KCNH1: variants seen among roughly 807,000 people sequenced by gnomAD.
KCNH1 encodes the protein potassium voltage-gated channel subfamily H member 1, also known as voltage-gated delayed rectifier potassium channel KCNH1.
In KCNH1, 27 loss-of-function variants were observed where a neutral mutation model predicts 69.2. That is an observed-to-expected ratio of 0.39 (90% CI 0.29 to 0.54). KCNH1 has a LOEUF of 0.54. KCNH1 is among the 20% of genes least tolerant of loss of function. The pLI, the probability that KCNH1 is intolerant of heterozygous loss-of-function variation, is 0.68. For synonymous variants in KCNH1, 456 were observed against 487.7 expected, an observed-to-expected ratio of 0.93 and a Z score of 0.86; for missense variants, 798 against 1,261.6, an observed-to-expected ratio of 0.63 and a Z score of 5.57.
chr1:210,894,303 G>A (rs1339858170), intron 7 of KCNH1, among the ~76,000 whole-genome samples: 1 of 152,116 alleles, frequency 6.6e-6, no homozygotes, highest in East Asian at 1.9e-4. Flanking sequence ...TTAGTCTAGG[G>A]ACAATTATTT....
At chr1:210,838,005 A>G (rs1212468537) in intron 7 of KCNH1, among the ~76,000 whole-genome samples, 3 of 152,230 alleles carry the variant, frequency 2.0e-5, no homozygotes, top group Admixed American at 6.5e-5. Context: ...TAAAATTCAC[A>G]TGGAATCAAA....
intron 8 of KCNH1, among the ~76,000 whole-genome samples, chr1:210,803,581 C>T (rs968350691): frequency 6.6e-6 from 1 of 152,212 alleles, no homozygotes; most frequent in Non-Finnish European, 1.5e-5. Flanking sequence ...TGAATAAAGA[C>T]AAGATCAGTA....
At chr1:210,917,349 AAGAG>A (rs1289477064) in intron 7 of KCNH1, among the ~76,000 whole-genome samples, 3 of 149,906 alleles carry the variant, frequency 2.0e-5, no homozygotes, top group Non-Finnish European at 1.5e-5. Flanking sequence ...GAGAGAGAGA[AAGAG>A]AGAGAGAGAG....
At chr1:210,967,211 A>G (rs929119921) in intron 6 of KCNH1, among the ~76,000 whole-genome samples, 19 of 152,126 alleles carry the variant, frequency 1.2e-4, no homozygotes, top group African/African-American at 4.6e-4. Context: ...ATTAGGAGGA[A>G]TACATAATGT....
intron 6 of KCNH1, among the ~76,000 whole-genome samples, chr1:210,971,773 A>T (rs1010355996): frequency 2.0e-5 from 3 of 152,116 alleles, no homozygotes; most frequent in African/African-American, 7.2e-5. Flanking sequence ...TATTATCTGA[A>T]CTTATTTTCT....
At chr1:210,957,218 G>C (rs1688194674) in intron 6 of KCNH1, among the ~76,000 whole-genome samples, 1 of 152,178 alleles carries the variant, frequency 6.6e-6, no homozygotes, top group South Asian at 2.1e-4. Flanking sequence ...ATGTAGTTGT[G>C]AAGTCTTGAG....
chr1:210,866,859 C>T (rs1407870551), intron 7 of KCNH1, among the ~76,000 whole-genome samples: 1 of 152,000 alleles, frequency 6.6e-6, no homozygotes, highest in African/African-American at 2.4e-5. Flanking sequence ...TGAAAACAGC[C>T]CATATACCCA....
intron 6 of KCNH1, among the ~76,000 whole-genome samples, chr1:210,959,682 C>T (rs1292621915): frequency 6.6e-6 from 1 of 152,196 alleles, no homozygotes; most frequent in African/African-American, 2.4e-5. Flanking sequence ...TAGCAGTGAG[C>T]AAGGCTCCAT....
intron 6 of KCNH1, among the ~76,000 whole-genome samples, chr1:210,926,034 G>A (rs563346988): frequency 1.1e-4 from 16 of 152,232 alleles, no homozygotes; most frequent in Admixed American, 1.3e-4. Context: ...CGAGGTGGGC[G>A]GATCACCTGA....
chr1:210,952,738 T>C (rs982645765), intron 6 of KCNH1, among the ~76,000 whole-genome samples: 2 of 152,114 alleles, frequency 1.3e-5, no homozygotes, highest in Admixed American at 6.5e-5. Flanking sequence ...TGCAAATTAA[T>C]GGTTTCTAAT....
At chr1:210,834,935 T>C (rs935208089) in intron 7 of KCNH1, among the ~76,000 whole-genome samples, 1 of 152,110 alleles carries the variant, frequency 6.6e-6, no homozygotes, top group Non-Finnish European at 1.5e-5. Flanking sequence ...TTGTTTGCTA[T>C]AGTAAACTAT....
chr1:210,797,104 C>T (rs1470522750), intron 9 of KCNH1, among the ~76,000 whole-genome samples: 1 of 145,880 alleles, frequency 6.9e-6, no homozygotes, highest in Non-Finnish European at 1.5e-5. Context: ...CACATGCTAT[C>T]CCCTCTTTTT....
At chr1:210,885,817 G>A (rs1388612197) in intron 7 of KCNH1, among the ~76,000 whole-genome samples, 3 of 152,172 alleles carry the variant, frequency 2.0e-5, no homozygotes, top group African/African-American at 7.2e-5. Flanking sequence ...GTGCCACAAA[G>A]CCAATGTAGC....
At chr1:211,113,328 A>G (rs1405282237) in intron 1 of KCNH1, among the ~76,000 whole-genome samples, 1 of 152,174 alleles carries the variant, frequency 6.6e-6, no homozygotes, top group African/African-American at 2.4e-5. Flanking sequence ...GACCATTTCT[A>G]TGAATACCGT....
At chr1:210,754,937 G>A (rs569410869) in intron 10 of KCNH1, among the ~76,000 whole-genome samples, 143 of 152,038 alleles carry the variant, frequency 9.4e-4, no homozygotes, top group Middle Eastern at 3.4e-3. Context: ...AGACACAACA[G>A]TCCATGGGGA....
intron 5 of KCNH1, among the ~76,000 whole-genome samples, chr1:211,049,779 A>G (rs1690161355): frequency 6.6e-6 from 1 of 152,138 alleles, no homozygotes; most frequent in South Asian, 2.1e-4. Context: ...AATTGTCAAC[A>G]AACTCCAAGT....
rs10157806 is a variant in KCNH1, at chr1:210,973,408, A to G, written c.1032+45375T>C. ...AACAAAGACTCTTTCTCTCAATTCT[A>G]TACCTAATCAACCATGAAATCATGT... On this transcript the variant is annotated intron_variant, in intron 6 of 10. Coordinates refer to ENST00000271751, the MANE Select transcript of KCNH1 (RefSeq NM_172362.3). Among the ~76,000 whole-genome samples, 1,248 of 152,278 alleles carry G rather than the reference A, an allele frequency of 8.2e-3. 19 individuals are homozygous for G. The highest frequency in any genetic ancestry group is 0.028 in the African/African-American group (1,157 of 41,572).
At position 211,119,296 on chromosome 1, in the gene KCNH1, C is replaced by T. The variant is rs149360991; in HGVS notation, c.80-11919G>A. On this transcript the variant is annotated intron_variant, in intron 1 of 10. Coordinates refer to ENST00000271751, the MANE Select transcript of KCNH1 (RefSeq NM_172362.3). Reference sequence around the variant, plus strand: ...AATGGTGTGAACCCAGGAGGCAGAGCTTGCAGTGAGCCAAGATCGTGCCAC... The same window carrying T: ...AATGGTGTGAACCCAGGAGGCAGAGTTTGCAGTGAGCCAAGATCGTGCCAC... Among the ~76,000 whole-genome samples, 1,002 of 152,172 alleles carry T rather than the reference C, an allele frequency of 6.6e-3. 5 individuals carry two copies. The highest frequency in any genetic ancestry group is 0.023 in the African/African-American group (952 of 41,522).
At chr1:210,721,277 CCTA>C (rs1682447911) in intron 10 of KCNH1, among the ~76,000 whole-genome samples, 1 of 152,116 alleles carries the variant, frequency 6.6e-6, no homozygotes, top group Non-Finnish European at 1.5e-5. Context: ...TAACCCAGGC[CCTA>C]CTGCTGTAGC....
Sources: allele counts gnomAD v4.1 joint callset (sites outside exome capture counted in the v4.1 genomes callset), GRCh38; gene constraint gnomAD v4.1.1; transcripts MANE v1.5; gene names NCBI Gene and HGNC (gene_info 2026-07-23, HGNC 2026-07-21).